Variants in PACS2 observed in about 807,000 individuals in gnomAD.
PACS2 encodes PACS1-like protein.
Under a neutral mutation model 113.0 loss-of-function variants are expected in PACS2, and 36 were observed. The observed-to-expected ratio is 0.32, with a 90% CI of 0.24 to 0.42. The LOEUF (loss-of-function observed/expected upper bound fraction) is 0.42. Ranked by LOEUF, PACS2 falls within the 10% of genes least tolerant of loss-of-function variation. PACS2 has a pLI of 1.00. For synonymous variants in PACS2, 589 were observed against 536.1 expected (o/e 1.10, Z -1.36); for missense variants, 1,015 against 1,239.5 (o/e 0.82, Z 2.72).
At chr14:105,350,245 G>T (rs1204382504) in intron 2 of PACS2, among the ~76,000 whole-genome samples, 2 of 152,152 alleles carry the variant, frequency 1.3e-5, no homozygotes, top group African/African-American at 4.8e-5. Context: ...GGCTTGGGGG[G>T]CAGGGGTCAG....
At chr14:105,339,126 G>T (rs2059631075) in intron 1 of PACS2, among the ~76,000 whole-genome samples, 1 of 152,186 alleles carries the variant, frequency 6.6e-6, no homozygotes, top group Non-Finnish European at 1.5e-5. Flanking sequence ...TGTTTATGGT[G>T]GTTCCCGTAG....
intron 23 of PACS2, 127 bp downstream of exon 23, chr14:105,392,972 G>A: frequency 1.3e-6 from 1 of 759,966 alleles, no homozygotes; most frequent in Non-Finnish European, 2.2e-6. Flanking sequence ...GCAGGCAGGG[G>A]CGGGTGGGGT....
In PACS2 at chr14:105,382,037, CCAGCTACAGGTG is replaced by C; in HGVS notation, c.1398_1409del (p.Val468_Gln471del). On this transcript the variant is annotated inframe_deletion, in exon 13 of 25. Coordinates refer to ENST00000447393, the MANE Select transcript of PACS2 (RefSeq NM_001100913.3). ...ACGAGCGCTGCCCGGACGCCCGGAG[CCAGCTACAGGTG>C]CAGCTGCAGGTGGGGGTGGAGGGCG... The C allele has an allele frequency of 6.5e-7, 1 of 1,548,684 alleles. No homozygotes were observed. Among genetic ancestry groups the C allele is most frequent in the Non-Finnish European group, 8.7e-7 (1 of 1,147,012 alleles).
intron 1 of PACS2, among the ~76,000 whole-genome samples, chr14:105,306,468 TAA>T (rs2058191231): frequency 6.6e-6 from 1 of 151,940 alleles, no homozygotes. Flanking sequence ...CATGCCCGGC[TAA>T]TTTTTTGTAT....
chr14:105,333,908 G>A (rs2059400613), intron 1 of PACS2, among the ~76,000 whole-genome samples: 1 of 152,194 alleles, frequency 6.6e-6, no homozygotes, highest in Non-Finnish European at 1.5e-5. Context: ...GCTGTCACAC[G>A]CACCTGCCTG....
chr14:105,346,013 C>T (rs1219842876), intron 1 of PACS2, among the ~76,000 whole-genome samples: 1 of 152,040 alleles, frequency 6.6e-6, no homozygotes, highest in Non-Finnish European at 1.5e-5. Context: ...GACTTTAAAG[C>T]TCACAGGTGG....
At chr14:105,367,101 C>A (rs189699905) in intron 4 of PACS2, 112 bp from the exon 5 acceptor site, 35 of 946,608 alleles carry the variant, frequency 3.7e-5, no homozygotes, top group Non-Finnish European at 5.2e-5. Flanking sequence ...GCTGAGGGTC[C>A]CCCTTGCTGT....
chr14:105,363,640 C>T (rs1555407177), intron 4 of PACS2, among the ~76,000 whole-genome samples: 3 of 152,150 alleles, frequency 2.0e-5, no homozygotes, highest in Non-Finnish European at 2.9e-5. Flanking sequence ...CTCTCCACAC[C>T]GTCACTGAGG....
rs2060525271 is a variant in PACS2 at position 105,358,093 on chromosome 14, C to T, written c.423+2916C>T. ...GGGGGCAGGAGGGGCTGGGAGCAGC[C>T]TGGGCCCCTGCCACACCATAGCTCT... On this transcript the variant is annotated intron_variant, in intron 4 of 24. Transcript: ENST00000447393. This position sits in a 1 kb window ranked among gnomAD's most constrained non-coding sequence, Gnocchi z 4.9. Among the ~76,000 whole-genome samples, 1 of 152,188 alleles carries T rather than the reference C, an allele frequency of 6.6e-6. No individual in the cohort carries two copies. Among genetic ancestry groups the T allele is most frequent in the Non-Finnish European group, 1.5e-5 (1 of 68,010 alleles).
intron 16 of PACS2, 106 bp downstream of exon 16, chr14:105,383,619 GCGCGGTGTGT>G: frequency 8.8e-7 from 1 of 1,131,226 alleles, no homozygotes; most frequent in African/African-American, 1.6e-5. Context: ...GCGTGGCGTG[GCGCGGTGTGT>G]CGTGGTGTGG....
chr14:105,341,001 G>A (rs1336156273), intron 1 of PACS2, among the ~76,000 whole-genome samples: 2 of 152,266 alleles, frequency 1.3e-5, no homozygotes, highest in African/African-American at 4.8e-5. Flanking sequence ...GGGGGCTGGA[G>A]AACGGAGCTT....
intron 1 of PACS2, among the ~76,000 whole-genome samples, chr14:105,320,059 C>T (rs2058831479): frequency 2.0e-5 from 3 of 152,164 alleles, no homozygotes; most frequent in Non-Finnish European, 2.9e-5. Flanking sequence ...CTCACTGCAA[C>T]CTCTGCCTCC....
Position 105,349,877 on chromosome 14 carries a change from C to T in PACS2, c.207+1297C>T, listed in dbSNP as rs587724308. Among the ~76,000 whole-genome samples the T allele has an allele frequency of 1.1e-3, 151 of 140,436 alleles. 1 individual carries two copies. Among genetic ancestry groups the T allele is most frequent in the African/African-American group, 4.4e-3 (149 of 34,154 alleles). The allele number at this position is 140,436 out of a possible 152,430, so 92.1% of individuals were successfully genotyped here. ...AGGACCCGGAGAACTTCCAGGAGAG[C>T]GTGGCTAATAGCAGGACCCCGAGAA... On this transcript the variant is annotated intron_variant, in intron 2 of 24. Transcript: ENST00000447393.
intron 4 of PACS2, among the ~76,000 whole-genome samples, chr14:105,362,940 C>T (rs1031578828): frequency 4.6e-5 from 7 of 152,222 alleles, no homozygotes; most frequent in African/African-American, 9.6e-5. Flanking sequence ...AAACAACATT[C>T]GTCTCCTGCG....
chr14:105,368,754 C>T (rs779120119), intron 7 of PACS2, among the ~76,000 whole-genome samples: 72 of 152,220 alleles, frequency 4.7e-4, no homozygotes, highest in African/African-American at 1.5e-3. Context: ...CTTGTGTGGC[C>T]GCTAGGCTCA....
At chr14:105,372,515 G>A (rs1289374260) in intron 8 of PACS2, 1 of 152,122 alleles carries the variant, frequency 6.6e-6, no homozygotes, top group Non-Finnish European at 1.5e-5. Flanking sequence ...CCACTGAACT[G>A]TACACCTAAA....
At chr14:105,334,181 T>C (rs79741105) in intron 1 of PACS2, among the ~76,000 whole-genome samples, 21,676 of 152,226 alleles carry the variant, frequency 0.14, 5,177 homozygotes, top group African/African-American at 0.49. Context: ...TGCGTTGGGC[T>C]CATCTGTCTG....
rs782232270 is a variant in PACS2, at chr14:105,391,686, G to C, written c.2175G>C (p.Pro725=). ...CTGGCACGCTCTCCTCCACCCCGCC[G>C]TCCGCATCTCCTGCGGCCAAGGAGG... ...SGSGTLSSTP[P]SASPAAKEAS... is the part of the protein sequence containing the mutation. The change falls in exon 22 of 25, where the codon CCG becomes CCC. Residue 725 remains proline, a synonymous_variant. Coordinates refer to ENST00000447393, the MANE Select transcript of PACS2 (RefSeq NM_001100913.3). 6.2e-6 allele frequency: 10 copies of C among 1,608,036 alleles called. No homozygotes were observed. Among genetic ancestry groups the C allele is most frequent in the Non-Finnish European group, 7.6e-6 (9 of 1,178,118 alleles).
rs2060959025 is a variant in PACS2, at chr14:105,366,859, T to C, written c.424-354T>C. On this transcript the variant is annotated intron_variant, in intron 4 of 24. Transcript: ENST00000447393. The surrounding 1 kb of genome is among the most constrained non-coding windows in gnomAD (Gnocchi z 4.3). ...GCATGGACAGCAGTCGTGCCTGAGATCAGGAGGGCCGCGGACACCCCTGTC... is the reference window on the plus strand; with the variant it reads ...GCATGGACAGCAGTCGTGCCTGAGACCAGGAGGGCCGCGGACACCCCTGTC... 6.6e-6 allele frequency among the ~76,000 whole-genome samples: 1 copy of C among 152,096 alleles called. No individual in the cohort carries two copies. The highest frequency in any genetic ancestry group is 1.5e-5 in the Non-Finnish European group (1 of 68,006).
Sources: allele counts gnomAD v4.1 joint callset (sites outside exome capture counted in the v4.1 genomes callset), GRCh38; gene constraint gnomAD v4.1.1; non-coding constraint Gnocchi (gnomAD v3.1); transcripts MANE v1.5; gene names NCBI Gene and HGNC (gene_info 2026-07-23, HGNC 2026-07-21).